Variants in WASHC4 observed in about 807,000 individuals in gnomAD.
WASHC4 encodes the protein WASH complex subunit 4, also known as WASH complex subunit 7.
Under a neutral mutation model 166.6 loss-of-function variants are expected in WASHC4, and 86 were observed. That is an observed-to-expected ratio of 0.52 (90% confidence interval 0.43 to 0.62). The LOEUF is 0.62. Among genes scored for constraint, WASHC4 ranks in the 20% least tolerant of loss-of-function variants. WASHC4 has a pLI of 0.00. For missense variants in WASHC4, 1,262 were observed against 1,382.4 expected (o/e 0.91, Z 1.38); for synonymous variants, 446 against 451.6 (o/e 0.99, Z 0.16).
At chr12:105,142,906 C>T (rs191771527) in intron 19 of WASHC4, among the ~76,000 whole-genome samples, 1 of 152,010 alleles carries the variant, frequency 6.6e-6, no homozygotes, top group Admixed American at 6.6e-5. Flanking sequence ...TGTTTAAATG[C>T]ACAAGATAGG....
At chr12:105,119,772 G>C (rs1880550822) in intron 7 of WASHC4, among the ~76,000 whole-genome samples, 1 of 152,180 alleles carries the variant, frequency 6.6e-6, no homozygotes, top group Admixed American at 6.5e-5. Flanking sequence ...ATCTATATGT[G>C]CTTTAATATT....
At chr12:105,132,746 A>G (rs1881958810) in intron 13 of WASHC4, among the ~76,000 whole-genome samples, 1 of 150,356 alleles carries the variant, frequency 6.7e-6, no homozygotes. Context: ...TGGAGGTTGT[A>G]GTACCTGCCT....
At chr12:105,158,209 C>T (rs1317496729) in intron 28 of WASHC4, among the ~76,000 whole-genome samples, 1 of 152,102 alleles carries the variant, frequency 6.6e-6, no homozygotes, top group Non-Finnish European at 1.5e-5. Flanking sequence ...TACTTGAAAT[C>T]AAGCAAGAAT....
At chr12:105,113,497 T>C (rs73179970) in intron 2 of WASHC4, among the ~76,000 whole-genome samples, 9,349 of 152,102 alleles carry the variant, frequency 0.061, 370 homozygotes, top group Non-Finnish European at 0.082. Flanking sequence ...AGTTCTATTA[T>C]TGGGCAGTTA....
rs1883015450 is a variant in WASHC4, at chr12:105,143,241, G to A, written c.2008G>A (p.Glu670Lys). Residue 670 changes from glutamate (E) to lysine (K), a missense_variant and splice_region_variant, in exon 20 of 33, where the codon GAG (glutamate) becomes AAG (lysine). Physicochemically the swap from Glu to Lys is moderately conservative, Grantham distance 56. Transcript: ENST00000332180. The stretch of plus-strand genomic sequence containing the variant: ...CAAGGAAATTATGGAAATTTTAAAT[G>A]AGGTAACATCATATTTGAGATTGAA... ...YDKEIMEILN[E>K]HLLDKLCKEI... 1 of 1,458,244 alleles carries A rather than the reference G, an allele frequency of 6.9e-7. No homozygotes were observed. The highest frequency in any genetic ancestry group is 9.6e-7 in the Non-Finnish European group (1 of 1,038,618). 90.3% of individuals were successfully genotyped at this position (1,458,244 alleles called of 1,614,324 possible). A position where few individuals can be genotyped will look rare whatever the true frequency, so the allele number is the denominator to read the frequency against.
intron 25 of WASHC4, 112 bp downstream of exon 25, chr12:105,149,861 C>G: frequency 9.2e-7 from 1 of 1,083,076 alleles, no homozygotes. Context: ...TTTATTTTCC[C>G]TATAATTTCT....
intron 23 of WASHC4, 148 bp downstream of exon 23, chr12:105,146,674 A>T (rs906903071): frequency 1.6e-6 from 1 of 637,698 alleles, no homozygotes; most frequent in African/African-American, 1.8e-5. Context: ...TGCCTTGATT[A>T]TACCAGTTGT....
rs144362720 is a variant in WASHC4, at chr12:105,137,145, T to C, written c.1327-741T>C. Among the ~76,000 whole-genome samples, 4 of 151,314 alleles carry C rather than the reference T, an allele frequency of 2.6e-5. No individual in the cohort carries two copies. The East Asian group carries it at 7.8e-4, about 30-fold the overall frequency. On this transcript the variant is annotated intron_variant, in intron 14 of 32. Coordinates refer to ENST00000332180, the MANE Select transcript of WASHC4 (RefSeq NM_015275.3). Reference sequence around the variant, plus strand: ...TTTTTCTGTGTGTCCCTTTTGGGTTTAAATGAAAAAGTGTTTGAGAAGCAA... The same window carrying C: ...TTTTTCTGTGTGTCCCTTTTGGGTTCAAATGAAAAAGTGTTTGAGAAGCAA...
intron 10 of WASHC4, among the ~76,000 whole-genome samples, chr12:105,125,209 T>G (rs1881170542): frequency 6.6e-6 from 1 of 152,228 alleles, no homozygotes; most frequent in Non-Finnish European, 1.5e-5. Flanking sequence ...GCTTTTGAAG[T>G]GTGCACGGGT....
At chr12:105,137,155 A>G (rs1205139142) in intron 14 of WASHC4, among the ~76,000 whole-genome samples, 1 of 144,244 alleles carries the variant, frequency 6.9e-6, no homozygotes, top group East Asian at 2.1e-4. Flanking sequence ...TAAATGAAAA[A>G]GTGTTTGAGA....
At chr12:105,141,820 T>A (rs568375485) in intron 18 of WASHC4, among the ~76,000 whole-genome samples, 1 of 152,304 alleles carries the variant, frequency 6.6e-6, no homozygotes, top group Non-Finnish European at 1.5e-5. Context: ...TATAACTTAC[T>A]TTTTTGTTGT....
rs780588304 is a variant in WASHC4 at position 105,133,788 on chromosome 12, C to T, written c.1218C>T (p.Tyr406=). Residue 406 remains tyrosine (Y), a synonymous_variant, in exon 14 of 33, where the codon TAC becomes TAT. Transcript: ENST00000332180. ...TTGTTAGAGATGTACAGTCTTACTA[C>T]GTCTTTGTGAGCTCATGGATGATGA... ...QSLTKDVQSY[Y]VFVSSWMMKM... is the part of the protein sequence containing the mutation. The T allele has an allele frequency of 1.2e-5, 20 of 1,612,084 alleles. 1 individual carries two copies. The highest frequency in any genetic ancestry group is 1.7e-4 in the Middle Eastern group (1 of 6,052).
chr12:105,120,092 CAAAA>C (rs1156687463), intron 7 of WASHC4, among the ~76,000 whole-genome samples: 2 of 151,928 alleles, frequency 1.3e-5, no homozygotes, highest in East Asian at 3.9e-4. Flanking sequence ...CAAAACAAAA[CAAAA>C]AAACAAAAGA....
Position 105,160,085 on chromosome 12 carries a change from T to G in WASHC4, c.2997T>G (p.Ala999=). ...EYFKMLVDVF[A]PEFRRPKNIH... The stretch of plus-strand genomic sequence containing the variant: ...TCAAAATGCTTGTAGACGTTTTTGC[T>G]CCAGAATTTCGAAGGCCAAAGAATA... The change falls in exon 29 of 33, where the codon GCT becomes GCG. Residue 999 remains alanine (A), a synonymous_variant. Transcript: ENST00000332180. 1 of 1,613,786 alleles carries G rather than the reference T, an allele frequency of 6.2e-7. No individual in the cohort carries two copies. Among genetic ancestry groups the G allele is most frequent in the Middle Eastern group, 1.6e-4 (1 of 6,062 alleles).
intron 13 of WASHC4, among the ~76,000 whole-genome samples, chr12:105,128,150 G>C (rs1881458112): frequency 6.6e-6 from 1 of 152,074 alleles, no homozygotes; most frequent in Non-Finnish European, 1.5e-5. Flanking sequence ...AAGGGAAGTT[G>C]GATCACTACT....
At chr12:105,141,368 A>G (rs1052153866) in intron 18 of WASHC4, 122 bp downstream of exon 18, 2 of 801,214 alleles carry the variant, frequency 2.5e-6, no homozygotes, top group African/African-American at 3.4e-5. Context: ...CCTTTCTGTA[A>G]CTTCTTTAGC....
At position 105,166,925 on chromosome 12, in the gene WASHC4, G is replaced by A; in HGVS notation, c.3516G>A (p.Val1172=). ...SDSTVSADPV[V]K ...GCACTGTGTCTGCTGATCCTGTTGT[G>A]AAATGATACGGATGGTATTCACTGC... The change falls in exon 33 of 33, where the codon GTG becomes GTA. Residue 1172 remains valine (V), a synonymous_variant. Coordinates refer to ENST00000332180, the MANE Select transcript of WASHC4 (RefSeq NM_015275.3). The A allele has an allele frequency of 6.3e-7, 1 of 1,596,920 alleles. No homozygotes were observed. The highest frequency in any genetic ancestry group is 8.6e-7 in the Non-Finnish European group (1 of 1,168,310).
chr12:105,125,914 T>G (rs1054885540), intron 10 of WASHC4, 90 bp from the exon 11 acceptor site: 11 of 1,240,010 alleles, frequency 8.9e-6, no homozygotes, highest in Non-Finnish European at 1.1e-5. Flanking sequence ...TATAGAAATT[T>G]ATCATACACT....
At chr12:105,157,415 T>A in intron 28 of WASHC4, 93 bp downstream of exon 28, 1 of 716,784 alleles carries the variant, frequency 1.4e-6, no homozygotes, top group South Asian at 1.6e-5. Flanking sequence ...ATGCCACTGT[T>A]TTTATTATAC....
Sources: gnomAD v4.1 joint callset for allele counts (sites outside exome capture counted in the v4.1 genomes callset) on GRCh38, gnomAD v4.1.1 for gene constraint, MANE v1.5 for transcripts, NCBI Gene and HGNC (gene_info 2026-07-23, HGNC 2026-07-21) for gene names.